Variants in CNTNAP4 observed in about 807,000 individuals in gnomAD.
CNTNAP4 encodes contactin associated protein family member 4, also known as contactin-associated protein-like 4.
In CNTNAP4, 98 loss-of-function variants were observed where a neutral mutation model predicts 148.4. The ratio of observed to expected loss-of-function variants is 0.66; its 90% confidence interval spans 0.56 to 0.78. CNTNAP4 has a LOEUF of 0.78. CNTNAP4 is among the 30% of genes least tolerant of loss of function. CNTNAP4 has a pLI of 0.00. For missense variants in CNTNAP4, 1,935 were observed against 1,565.6 expected (o/e 1.24, Z -3.98); for synonymous variants, 730 against 565.1 (o/e 1.29, Z -4.14).
At chr16:76,384,460 G>C (rs567543592) in intron 3 of CNTNAP4, among the ~76,000 whole-genome samples, 1 of 152,274 alleles carries the variant, frequency 6.6e-6, no homozygotes, top group African/African-American at 2.4e-5. Context: ...GGTTGCCTCA[G>C]TAAGGGATGA....
In CNTNAP4 at chr16:76,538,200, A is replaced by T. The variant is rs776131159; in HGVS notation, c.3080A>T (p.His1027Leu). 6.2e-7 allele frequency: 1 copy of T among 1,608,408 alleles called. No individual in the cohort carries two copies. Among genetic ancestry groups the T allele is most frequent in the Non-Finnish European group, 8.5e-7 (1 of 1,177,998 alleles). The change falls in exon 19 of 24, where the codon CAC (histidine) becomes CTC (leucine). Residue 1027 changes from histidine to leucine, a missense_variant. His to Leu is a moderately conservative substitution (Grantham distance 99, BLOSUM62 -3). Transcript: ENST00000611870. ...CTTTTAAGTAAAAACTCCAGCTCCC[A>T]CGCTGCTTCATTTCATGGTGATATG... ...NYLLSKNSSS[H>L]AASFHGDMKL...
chr16:76,391,738 A>G (rs1481420343), intron 3 of CNTNAP4, among the ~76,000 whole-genome samples: 2 of 152,158 alleles, frequency 1.3e-5, no homozygotes, highest in Non-Finnish European at 2.9e-5. Context: ...ACACAATTCT[A>G]TAGCTTTGCT....
Position 76,559,826 on chromosome 16 carries a change from T to C in CNTNAP4, c.*1143T>C, listed in dbSNP as rs985285648. ...TGCATAGACTTCCAGTACATACTTT[T>C]TGAAATATGAGCTGCAACCATCAGT... On this transcript the variant is annotated 3_prime_UTR_variant, in exon 24 of 24. Transcript: ENST00000611870. Among the ~76,000 whole-genome samples, 1 of 152,162 alleles carries C rather than the reference T, an allele frequency of 6.6e-6. No individual in the cohort carries two copies. Among genetic ancestry groups the C allele is most frequent in the Non-Finnish European group, 1.5e-5 (1 of 68,016 alleles).
At chr16:76,377,174 T>C (rs2015506264) in intron 3 of CNTNAP4, among the ~76,000 whole-genome samples, 1 of 152,104 alleles carries the variant, frequency 6.6e-6, no homozygotes, top group Admixed American at 6.6e-5. Flanking sequence ...ATTGAGACCT[T>C]CAACTGATTA....
At chr16:76,304,869 G>C (rs1387430350) in intron 1 of CNTNAP4, among the ~76,000 whole-genome samples, 2 of 152,156 alleles carry the variant, frequency 1.3e-5, no homozygotes, top group Non-Finnish European at 2.9e-5. Context: ...CATTCAGTTT[G>C]TAACCTTTAA....
intron 7 of CNTNAP4, among the ~76,000 whole-genome samples, chr16:76,450,535 T>G (rs920459888): frequency 6.6e-6 from 1 of 152,182 alleles, no homozygotes. Flanking sequence ...AACAACCATG[T>G]ATATTAGGGA....
intron 20 of CNTNAP4, 86 bp downstream of exon 20, chr16:76,539,938 A>G (rs2084378768): frequency 3.2e-6 from 3 of 944,434 alleles, no homozygotes; most frequent in African/African-American, 1.7e-5. Flanking sequence ...AATGAACACA[A>G]TAAGCAGAGA....
chr16:76,299,132 G>T (rs535351229), intron 1 of CNTNAP4, among the ~76,000 whole-genome samples: 3 of 152,218 alleles, frequency 2.0e-5, no homozygotes, highest in East Asian at 1.9e-4. Flanking sequence ...GGCAACAAAA[G>T]CCAGAATTGA....
intron 2 of CNTNAP4, among the ~76,000 whole-genome samples, chr16:76,351,178 T>C (rs923354896): frequency 6.6e-6 from 1 of 152,194 alleles, no homozygotes; most frequent in Non-Finnish European, 1.5e-5. Context: ...ACAGTTTATT[T>C]GATAGTAATA....
At position 76,547,263 on chromosome 16, in the gene CNTNAP4, A is replaced by T. The variant is rs1225065142; in HGVS notation, c.3443-6020A>T. Among the ~76,000 whole-genome samples, 30 of 152,216 alleles carry T rather than the reference A, an allele frequency of 2.0e-4. 1 individual carries two copies. Among genetic ancestry groups the T allele is most frequent in the Non-Finnish European group, 1.5e-5 (1 of 68,042 alleles). On this transcript the variant is annotated intron_variant, in intron 21 of 23. Coordinates refer to ENST00000611870, the MANE Select transcript of CNTNAP4 (RefSeq NM_033401.5). Reference sequence around the variant, plus strand: ...TAAGCTATTACTGGATCACAATTCCACCACATGGGGAAAAAGAGAGATCGC... The same window carrying T: ...TAAGCTATTACTGGATCACAATTCCTCCACATGGGGAAAAAGAGAGATCGC...
intron 9 of CNTNAP4, among the ~76,000 whole-genome samples, chr16:76,465,953 C>G (rs769600586): frequency 3.9e-5 from 6 of 152,066 alleles, no homozygotes; most frequent in Non-Finnish European, 7.3e-5. Flanking sequence ...TATTATCAGT[C>G]AAACAATTTA....
intron 2 of CNTNAP4, among the ~76,000 whole-genome samples, chr16:76,353,143 C>T (rs1278332691): frequency 6.6e-6 from 1 of 152,252 alleles, no homozygotes; most frequent in Non-Finnish European, 1.5e-5. Flanking sequence ...TAAAAAATTT[C>T]TGGATCCACA....
At chr16:76,345,135 A>C (rs531804723) in intron 2 of CNTNAP4, among the ~76,000 whole-genome samples, 47 of 152,306 alleles carry the variant, frequency 3.1e-4, no homozygotes, top group African/African-American at 1.1e-3. Context: ...CTTGTTGGCT[A>C]TTCAGAGTTC....
chr16:76,556,586 C>T (rs1361781538), intron 23 of CNTNAP4, among the ~76,000 whole-genome samples: 2 of 152,108 alleles, frequency 1.3e-5, no homozygotes, highest in East Asian at 3.8e-4. Flanking sequence ...CAGAATTTTT[C>T]ACATTGAAAT....
intron 3 of CNTNAP4, among the ~76,000 whole-genome samples, chr16:76,384,722 A>G (rs757769644): frequency 6.6e-6 from 1 of 152,196 alleles, no homozygotes; most frequent in Non-Finnish European, 1.5e-5. Flanking sequence ...CGAAATCACC[A>G]GTTGTCATAT....
intron 17 of CNTNAP4, among the ~76,000 whole-genome samples, chr16:76,528,834 T>C (rs2083852163): frequency 6.6e-6 from 1 of 152,082 alleles, no homozygotes; most frequent in Admixed American, 6.6e-5. Flanking sequence ...AATAAGGAAA[T>C]GATAAATGGA....
intron 10 of CNTNAP4, among the ~76,000 whole-genome samples, chr16:76,470,603 T>C (rs1298165718): frequency 6.6e-6 from 1 of 150,606 alleles, no homozygotes; most frequent in Non-Finnish European, 1.5e-5. Context: ...TGAGCCAAGA[T>C]TGTGCCATTG....
intron 19 of CNTNAP4, among the ~76,000 whole-genome samples, chr16:76,539,443 C>T (rs1432786477): frequency 6.6e-6 from 1 of 151,956 alleles, no homozygotes; most frequent in Non-Finnish European, 1.5e-5. Flanking sequence ...AAGTGAGAGG[C>T]AAGTGCAGAG....
chr16:76,387,024 G>A (rs975573997), intron 3 of CNTNAP4, among the ~76,000 whole-genome samples: 2 of 138,750 alleles, frequency 1.4e-5, no homozygotes, highest in African/African-American at 5.5e-5. Flanking sequence ...GAAAGGACAA[G>A]GAAATGAATT....
Sources: gnomAD v4.1 joint callset for allele counts (sites outside exome capture counted in the v4.1 genomes callset) on GRCh38, gnomAD v4.1.1 for gene constraint, MANE v1.5 for transcripts, NCBI Gene and HGNC (gene_info 2026-07-23, HGNC 2026-07-21) for gene names.